Variants in MTR observed in about 807,000 individuals in gnomAD.
MTR encodes methionine synthase.
MTR carries 84 observed loss-of-function variants against 154.8 expected under a neutral mutation model. The ratio of observed to expected loss-of-function variants is 0.54; its 90% CI spans 0.45 to 0.65. The LOEUF is 0.65. Ranked by LOEUF, MTR falls within the 30% of genes least tolerant of loss-of-function variation. The pLI, the probability that MTR is intolerant of heterozygous loss-of-function variation, is 0.00. For synonymous variants in MTR, 554 were observed against 553.9 expected, an observed-to-expected ratio of 1.00 and a Z score of 0.00; for missense variants, 1,275 against 1,570.2, an observed-to-expected ratio of 0.81 and a Z score of 3.18.
chr1:236,825,474 G>A, intron 10 of MTR, 75 bp downstream of exon 10: 1 of 1,404,152 alleles, frequency 7.1e-7, no homozygotes, highest in Non-Finnish European at 1.0e-6. Flanking sequence ...TATTTAGAAG[G>A]AGAATTTTCC....
intron 15 of MTR, among the ~76,000 whole-genome samples, chr1:236,846,250 ACT>A (rs1184986587): frequency 6.6e-6 from 1 of 152,132 alleles, no homozygotes; most frequent in Non-Finnish European, 1.5e-5. Flanking sequence ...AAGTATACTG[ACT>A]CTAGATTTAG....
intron 28 of MTR, 115 bp from the exon 29 acceptor site, chr1:236,891,018 G>T: frequency 8.2e-7 from 1 of 1,217,872 alleles, no homozygotes. Context: ...TGAGGAAAAT[G>T]GAGAAGCCTG....
chr1:236,849,506 C>T lies in MTR; in HGVS notation c.1516-838C>T, dbSNP rs150932695. On this transcript the variant is annotated intron_variant, in intron 15 of 32. Transcript: ENST00000366577. ...GGGCAGAAGCCTTAGTTCTGTGAAG[C>T]ACAAAGCCATGTCATGGTATGTTCT... is the stretch of plus-strand genomic sequence containing the variant. Among the ~76,000 whole-genome samples the T allele has an allele frequency of 2.5e-3, 388 of 152,222 alleles. 4 individuals are homozygous for T. The highest frequency in any genetic ancestry group is 8.4e-3 in the African/African-American group (347 of 41,524).
chr1:236,843,901 G>T (rs1663409667), intron 15 of MTR, among the ~76,000 whole-genome samples: 1 of 152,204 alleles, frequency 6.6e-6, no homozygotes, highest in Admixed American at 6.5e-5. Context: ...CGAGTGTGCA[G>T]TTGTGCAAAT....
intron 20 of MTR, 124 bp from the exon 21 acceptor site, chr1:236,862,112 C>T: frequency 1.2e-6 from 1 of 805,212 alleles, no homozygotes; most frequent in South Asian, 1.4e-5. Flanking sequence ...TGTCAAAAGA[C>T]TCCAGTGTAG....
At chr1:236,893,483 T>G (rs1212360423) in intron 29 of MTR, among the ~76,000 whole-genome samples, 1 of 152,220 alleles carries the variant, frequency 6.6e-6, no homozygotes, top group Non-Finnish European at 1.5e-5. Flanking sequence ...TCAAGCTTCC[T>G]ATGCCCCTGA....
chr1:236,863,904 C>T (rs1664691371), intron 22 of MTR, among the ~76,000 whole-genome samples: 1 of 152,098 alleles, frequency 6.6e-6, no homozygotes, highest in African/African-American at 2.4e-5. Context: ...ATCATATCCT[C>T]TTTTTCCTTT....
intron 12 of MTR, among the ~76,000 whole-genome samples, chr1:236,831,009 T>C (rs1457252445): frequency 6.6e-6 from 1 of 152,208 alleles, no homozygotes; most frequent in East Asian, 1.9e-4. Flanking sequence ...TCTGTGCCTG[T>C]CAATGTTATT....
chr1:236,822,341 G>T, intron 8 of MTR, among the ~76,000 whole-genome samples: 1 of 127,846 alleles, frequency 7.8e-6, no homozygotes. Context: ...ACAGCATCTT[G>T]CTGTGTCACT....
intron 5 of MTR, among the ~76,000 whole-genome samples, chr1:236,812,146 G>A (rs1316641092): frequency 6.6e-6 from 1 of 152,236 alleles, no homozygotes; most frequent in Non-Finnish European, 1.5e-5. Context: ...GGCCCCCACA[G>A]TGCTGGCGTG....
Position 236,861,251 on chromosome 1 carries a change from G to A in MTR, c.2170G>A (p.Gly724Arg), listed in dbSNP as rs761693980. 3 of 1,613,694 alleles carry A rather than the reference G, an allele frequency of 1.9e-6. No individual in the cohort carries two copies. Among genetic ancestry groups the A allele is most frequent in the Non-Finnish European group, 1.7e-6 (2 of 1,179,918 alleles). Reference protein sequence around the residue: ...NGMKIVGDLFGAGKMFLPQVI... With the variant: ...NGMKIVGDLFRAGKMFLPQVI... ...AATGAAAATTGTTGGTGATCTTTTT[G>A]GAGCTGGAAAAATGTTTCTACCTCA... The change falls in exon 20 of 33, where the codon GGA becomes AGA. Residue 724 changes from glycine (G) to arginine (R), a missense_variant. Physicochemically the swap from Gly to Arg is moderately radical, Grantham distance 125. Coordinates refer to ENST00000366577, the MANE Select transcript of MTR (RefSeq NM_000254.3).
At chr1:236,837,696 C>G (rs773127009) in intron 14 of MTR, among the ~76,000 whole-genome samples, 6 of 152,250 alleles carry the variant, frequency 3.9e-5, no homozygotes, top group Non-Finnish European at 8.8e-5. Flanking sequence ...CTCAGGAGTT[C>G]AAGACCAGCC....
Position 236,891,024 on chromosome 1 carries a change from G to T in MTR, c.3008-109G>T, listed in dbSNP as rs1269539135. On this transcript the variant is annotated intron_variant, in intron 28 of 32. Coordinates refer to ENST00000366577, the MANE Select transcript of MTR (RefSeq NM_000254.3). ...GAAAGCATTTGAGGAAAATGGAGAA[G>T]CCTGAAGAGGGAAGGTGACTGAGGA... 2.4e-6 allele frequency: 3 copies of T among 1,254,254 alleles called. No individual in the cohort carries two copies. The African/African-American group carries it at 4.4e-5, about 19-fold the overall frequency. The allele number at this position is 1,254,254 out of a possible 1,614,324, so 77.7% of individuals were successfully genotyped here.
intron 22 of MTR, among the ~76,000 whole-genome samples, chr1:236,872,699 A>T (rs1665204345): frequency 6.6e-6 from 1 of 152,086 alleles, no homozygotes; most frequent in South Asian, 2.1e-4. Context: ...TTTAAATGAG[A>T]TCATTTATGC....
At chr1:236,816,300 A>T in intron 7 of MTR, 149 bp from the exon 8 acceptor site, 1 of 725,374 alleles carries the variant, frequency 1.4e-6, no homozygotes, top group Non-Finnish European at 2.5e-6. Flanking sequence ...TCTGACTATT[A>T]TAGAAAGTGC....
chr1:236,812,985 T>C, intron 6 of MTR, 141 bp downstream of exon 6: 1 of 736,076 alleles, frequency 1.4e-6, no homozygotes, highest in South Asian at 1.5e-5. Context: ...TGAGTATTTT[T>C]AACTGAGGCC....
In MTR at chr1:236,829,233, C is replaced by T. The variant is rs1322419653; in HGVS notation, c.1040C>T (p.Pro347Leu). 1.2e-6 allele frequency: 2 copies of T among 1,613,874 alleles called. No homozygotes were observed. The highest frequency in any genetic ancestry group is 3.3e-5 in the Admixed American group (2 of 59,984). Residue 347 changes from proline (P) to leucine (L), a missense_variant, in exon 12 of 33, where the codon CCT (proline) becomes CTT (leucine). By Grantham distance (98) the Pro-to-Leu change is moderately conservative. Coordinates refer to ENST00000366577, the MANE Select transcript of MTR (RefSeq NM_000254.3). ...AAAAATTGTAAGCCTAGAGTTCCAC[C>T]TGCCACTGCTTTTGAAGGACATATG... ...AVKNCKPRVP[P>L]ATAFEGHMLL...
At chr1:236,862,060 A>G (rs1164363038) in intron 20 of MTR, among the ~76,000 whole-genome samples, 176 bp from the exon 21 acceptor site, 3 of 152,182 alleles carry the variant, frequency 2.0e-5, no homozygotes, top group Non-Finnish European at 4.4e-5. Flanking sequence ...CTTATTATTC[A>G]CTGGCTTTCC....
chr1:236,894,793 G>A, intron 30 of MTR: 1 of 564,812 alleles, frequency 1.8e-6, no homozygotes, highest in South Asian at 2.1e-5. Flanking sequence ...ACAGTTGGCT[G>A]TTGCTCTTAG....
Sources: gnomAD v4.1 joint callset for allele counts (sites outside exome capture counted in the v4.1 genomes callset) on GRCh38, gnomAD v4.1.1 for gene constraint, MANE v1.5 for transcripts, NCBI Gene and HGNC (gene_info 2026-07-23, HGNC 2026-07-21) for gene names.